The following CFAP97D2 variants were observed in gnomAD, a reference collection of about 807,000 sequenced individuals.
CFAP97D2 encodes the protein uncharacterized protein CFAP97D2.
intron 4 of CFAP97D2, among the ~76,000 whole-genome samples, chr13:114,221,427 G>A (rs1025979080): frequency 1.4e-4 from 21 of 152,208 alleles, no homozygotes; most frequent in African/African-American, 4.8e-4. Context: ...CAACAAAACT[G>A]ACAAAAGGTT....
intron 3 of CFAP97D2, among the ~76,000 whole-genome samples, chr13:114,205,514 C>T (rs1343210630): frequency 6.6e-6 from 1 of 152,164 alleles, no homozygotes; most frequent in African/African-American, 2.4e-5. Context: ...AAATAGTTTG[C>T]TTCTTCTTTC....
chr13:114,179,368 G>A lies in CFAP97D2; in HGVS notation c.38G>A (p.Ser13Asn). Reference sequence around the variant, plus strand: ...CCCCGGCTGACCTTTCCCTGTGCCAGTGAGTACCTGTGGCATGCAAGGGAG... The same window carrying A: ...CCCCGGCTGACCTTTCCCTGTGCCAATGAGTACCTGTGGCATGCAAGGGAG... The change falls in exon 1 of 5, where the codon AGT becomes AAT. Residue 13 changes from serine to asparagine, a missense_variant. Coordinates refer to ENST00000646158, the Ensembl canonical transcript of CFAP97D2. The surrounding 1 kb of genome is among the most constrained non-coding windows in gnomAD (Gnocchi z 4.8). 2.5e-6 allele frequency: 1 copy of A among 398,710 alleles called. No individual in the cohort carries two copies. Among genetic ancestry groups the A allele is most frequent in the Non-Finnish European group, 4.4e-6 (1 of 226,142 alleles). 24.7% of individuals were successfully genotyped at this position (398,710 alleles called of 1,614,324 possible).
chr13:114,191,359 G>T (rs981897731), intron 1 of CFAP97D2, among the ~76,000 whole-genome samples: 1 of 152,046 alleles, frequency 6.6e-6, no homozygotes, highest in African/African-American at 2.4e-5. Flanking sequence ...GAAAATATTC[G>T]CAAAAGATAC....
At chr13:114,209,121 C>A (rs2080954850) in intron 3 of CFAP97D2, among the ~76,000 whole-genome samples, 1 of 152,192 alleles carries the variant, frequency 6.6e-6, no homozygotes. Context: ...CAAGGATAAT[C>A]CACAAAGAAT....
intron 4 of CFAP97D2, among the ~76,000 whole-genome samples, chr13:114,219,767 C>T (rs1438550090): frequency 6.6e-6 from 1 of 152,230 alleles, no homozygotes; most frequent in East Asian, 1.9e-4. Context: ...CTCATTGTCT[C>T]TGAACCTCAA....
chr13:114,205,856 A>G (rs1228815780), intron 3 of CFAP97D2, among the ~76,000 whole-genome samples: 6 of 151,990 alleles, frequency 3.9e-5, no homozygotes, highest in African/African-American at 1.4e-4. Context: ...TGGGCAGAAC[A>G]ATGCCACACT....
Position 114,207,719 on chromosome 13 carries a change from G to A in CFAP97D2, c.291-4193G>A, listed in dbSNP as rs914262601. Among the ~76,000 whole-genome samples, 2 of 152,320 alleles carry A rather than the reference G, an allele frequency of 1.3e-5. No homozygotes were observed. Among genetic ancestry groups the A allele is most frequent in the South Asian group, 2.1e-4 (1 of 4,826 alleles). ...ACTGGTATGGGTCCATGGCCCGGGG[G>A]TTGGGGACCTCTGCCTTATAGGGAA... On this transcript the variant is annotated intron_variant, in intron 3 of 4. Coordinates refer to ENST00000646158, the Ensembl canonical transcript of CFAP97D2. The surrounding 1 kb of genome is among the most constrained non-coding windows in gnomAD (Gnocchi z 4.9).
intron 3 of CFAP97D2, among the ~76,000 whole-genome samples, chr13:114,202,925 G>A (rs895596875): frequency 2.0e-5 from 3 of 152,168 alleles, no homozygotes; most frequent in African/African-American, 7.2e-5. Context: ...AGAGCCTGGG[G>A]TGTCACTCAG....
rs1163991306 is a variant in CFAP97D2 at position 114,188,734 on chromosome 13, G to A, written c.91-7662G>A. On this transcript the variant is annotated intron_variant, in intron 1 of 4. Transcript: ENST00000646158. ...GGAGCTTGCAGTGAGCCGAGATTGCGCCACTGCACTCCAGCCTGGGCAACA... is the reference window on the plus strand; with the variant it reads ...GGAGCTTGCAGTGAGCCGAGATTGCACCACTGCACTCCAGCCTGGGCAACA... 4.8e-5 allele frequency among the ~76,000 whole-genome samples: 7 copies of A among 146,556 alleles called. No homozygotes were observed. In the South Asian group the frequency reaches 6.4e-4, roughly 13 times the overall value.
intron 4 of CFAP97D2, among the ~76,000 whole-genome samples, chr13:114,220,501 C>A (rs2081016697): frequency 6.6e-6 from 1 of 152,228 alleles, no homozygotes; most frequent in Non-Finnish European, 1.5e-5. Context: ...TCCTCCTTAC[C>A]CCTTCAAGTC....
intron 1 of CFAP97D2, among the ~76,000 whole-genome samples, chr13:114,183,907 G>C (rs542037726): frequency 6.5e-4 from 99 of 152,346 alleles, no homozygotes; most frequent in Non-Finnish European, 1.0e-3. Context: ...CAGCACTTTG[G>C]GAGGCCAAGG....
chr13:114,200,428 A>G lies in CFAP97D2; in HGVS notation c.275A>G (p.Asn92Ser), dbSNP rs528926404. The G allele has an allele frequency of 2.0e-5, 8 of 398,568 alleles. 1 individual carries two copies. The highest frequency in any genetic ancestry group is 1.6e-4 in the African/African-American group (8 of 48,710). 24.7% of individuals were successfully genotyped at this position (398,568 alleles called of 1,614,324 possible). A position where few individuals can be genotyped will look rare whatever the true frequency, so the allele number is the denominator to read the frequency against. ...AGGGGACAGACTGACAGCAAAAACA[A>G]CTCCAAGCACAGGAGGTAAGGGAGC... The change falls in exon 3 of 5, where the codon AAC (asparagine) becomes AGC (serine). Residue 92 changes from asparagine to serine, a missense_variant. Coordinates refer to ENST00000646158, the Ensembl canonical transcript of CFAP97D2.
At position 114,189,551 on chromosome 13, in the gene CFAP97D2, T is replaced by A. The variant is rs991739776; in HGVS notation, c.91-6845T>A. Among the ~76,000 whole-genome samples the A allele has an allele frequency of 6.6e-6, 1 of 152,170 alleles. No homozygotes were observed. Among genetic ancestry groups the A allele is most frequent in the African/African-American group, 2.4e-5 (1 of 41,430 alleles). ...GAAAACAGTAAATCAATATCTCTCA[T>A]GAACATTGATGCAAAAATCCACAGC... On this transcript the variant is annotated intron_variant, in intron 1 of 4. Transcript: ENST00000646158. The surrounding 1 kb of genome is among the most constrained non-coding windows in gnomAD (Gnocchi z 4.5).
At position 114,203,284 on chromosome 13, in the gene CFAP97D2, C is replaced by T. The variant is rs2080926569; in HGVS notation, c.290+2841C>T. ...TTTTTATATACTTGCAATGAGCAATCTGAAGAGGAAACTAAGAAAACAATT... is the reference window on the plus strand; with the variant it reads ...TTTTTATATACTTGCAATGAGCAATTTGAAGAGGAAACTAAGAAAACAATT... On this transcript the variant is annotated intron_variant, in intron 3 of 4. Coordinates refer to ENST00000646158, the Ensembl canonical transcript of CFAP97D2. The surrounding 1 kb of genome is among the most constrained non-coding windows in gnomAD (Gnocchi z 4.3). 6.6e-6 allele frequency among the ~76,000 whole-genome samples: 1 copy of T among 152,110 alleles called. No homozygotes were observed. The highest frequency in any genetic ancestry group is 2.4e-5 in the African/African-American group (1 of 41,432).
intron 1 of CFAP97D2, among the ~76,000 whole-genome samples, chr13:114,183,502 C>A (rs2080844663): frequency 6.6e-6 from 1 of 152,102 alleles, no homozygotes; most frequent in African/African-American, 2.4e-5. Context: ...GAATTCACTT[C>A]TCACAGTTCA....
At position 114,179,448 on chromosome 13, in the gene CFAP97D2, C is replaced by G. The variant is rs541263077; in HGVS notation, c.90+28C>G. 2.5e-6 allele frequency: 1 copy of G among 398,512 alleles called. No individual in the cohort carries two copies. Among genetic ancestry groups the G allele is most frequent in the East Asian group, 3.6e-5 (1 of 28,086 alleles). 24.7% of individuals were successfully genotyped at this position (398,512 alleles called of 1,614,324 possible). On this transcript the variant is annotated intron_variant, in intron 1 of 4. Transcript: ENST00000646158. This position sits in a 1 kb window ranked among gnomAD's most constrained non-coding sequence, Gnocchi z 4.8. The stretch of plus-strand genomic sequence containing the variant: ...AGGAAAGTCCCCAATCCAGCCCTGA[C>G]AGCTCAGCGGGCGGGCACCAAGCAG...
upstream of CFAP97D2, chr13:114,179,261 C>A (rs780890072): frequency 2.5e-6 from 1 of 398,352 alleles, no homozygotes; most frequent in Non-Finnish European, 4.4e-6. This position sits in a 1 kb window ranked among gnomAD's most constrained non-coding sequence, Gnocchi z 4.8. Context: ...GCAAACACAG[C>A]GTCTCCAGGT....
chr13:114,201,763 G>T (rs577256135), intron 3 of CFAP97D2, among the ~76,000 whole-genome samples: 3 of 152,348 alleles, frequency 2.0e-5, no homozygotes, highest in Non-Finnish European at 2.9e-5. Flanking sequence ...CTGCAGACCA[G>T]TTGGTTGATG....
intron 4 of CFAP97D2, chr13:114,215,734 C>A (rs2138787560): frequency 6.6e-6 from 1 of 152,338 alleles, no homozygotes; most frequent in African/African-American, 2.4e-5. Context: ...CATGTCCTCA[C>A]CAACATGAAG....
Sources: gnomAD v4.1 joint callset for allele counts (sites outside exome capture counted in the v4.1 genomes callset) on GRCh38, gnomAD v4.1.1 for gene constraint, Gnocchi (gnomAD v3.1) non-coding constraint, MANE v1.5 for transcripts, NCBI Gene and HGNC (gene_info 2026-07-23, HGNC 2026-07-21) for gene names.